LRRK2: variants seen among roughly 807,000 people sequenced by gnomAD.
LRRK2 encodes the protein leucine-rich repeat serine/threonine-protein kinase 2.
A neutral mutation model predicts 302.6 loss-of-function variants in LRRK2; 203 were observed. The observed-to-expected ratio is 0.67, with a 90% CI of 0.60 to 0.75. LRRK2 has a LOEUF of 0.75. Ranked by LOEUF, LRRK2 falls within the 30% of genes least tolerant of loss-of-function variation. The pLI is 0.00. For synonymous variants in LRRK2, 1,066 were observed against 1,031.9 expected, an observed-to-expected ratio of 1.03 and a Z score of -0.63; for missense variants, 2,830 against 2,951.0, an observed-to-expected ratio of 0.96 and a Z score of 0.95.
At chr12:40,319,346 T>C (rs1224798129) in intron 33 of LRRK2, among the ~76,000 whole-genome samples, 1 of 152,068 alleles carries the variant, frequency 6.6e-6, no homozygotes, top group African/African-American at 2.4e-5. Flanking sequence ...TGGATTTGAA[T>C]CTGGGTTCTG....
chr12:40,248,762 T>TGG (rs1942123984), intron 7 of LRRK2, among the ~76,000 whole-genome samples: 1 of 152,186 alleles, frequency 6.6e-6, no homozygotes, highest in Non-Finnish European at 1.5e-5. Flanking sequence ...ACACAGTGAT[T>TGG]CAGTGACCGA....
intron 20 of LRRK2, among the ~76,000 whole-genome samples, chr12:40,291,144 C>G (rs1031355313): frequency 2.0e-5 from 3 of 151,966 alleles, no homozygotes; most frequent in African/African-American, 7.3e-5. Context: ...ATGGATGAAG[C>G]TGGAAACCAT....
rs1946922213 is a variant in LRRK2, at chr12:40,367,691, G to C, written c.7510G>C (p.Val2504Leu). The change falls in exon 51 of 51, where the codon GTG (valine) becomes CTG (leucine). Residue 2504 changes from valine (V) to leucine (L), a missense_variant. By Grantham distance (32) the Val-to-Leu change is conservative. Around this residue, in one of 3 missense-constraint regions of LRRK2, gnomAD observed 456 missense variants for 456.3 expected, o/e 1.00. Coordinates refer to ENST00000298910, the MANE Select transcript of LRRK2 (RefSeq NM_198578.4). ...TVWDINLPHE[V>L]QNLEKHIEVR... is the part of the protein sequence containing the mutation. ...TTGGGACATCAATCTTCCACATGAAGTGCAAAATTTAGAAAAACACATTGA... is the reference window on the plus strand; with the variant it reads ...TTGGGACATCAATCTTCCACATGAACTGCAAAATTTAGAAAAACACATTGA... The C allele has an allele frequency of 6.2e-7, 1 of 1,603,638 alleles. No individual in the cohort carries two copies. The highest frequency in any genetic ancestry group is 8.5e-7 in the Non-Finnish European group (1 of 1,174,012).
chr12:40,240,378 C>T (rs1301667060), intron 5 of LRRK2, 105 bp from the exon 6 acceptor site: 1 of 994,530 alleles, frequency 1.0e-6, no homozygotes, highest in Non-Finnish European at 1.6e-6. Flanking sequence ...AAGGAGATTA[C>T]ACTTGATGTA....
chr12:40,353,894 G>A (rs1342079087), intron 44 of LRRK2, among the ~76,000 whole-genome samples: 1 of 152,214 alleles, frequency 6.6e-6, no homozygotes, highest in African/African-American at 2.4e-5. Context: ...TGAGGCAGGA[G>A]AATCAGGCAG....
At chr12:40,293,423 T>C (rs1392452629) in intron 20 of LRRK2, 122 bp from the exon 21 acceptor site, 1 of 653,766 alleles carries the variant, frequency 1.5e-6, no homozygotes, top group African/African-American at 1.8e-5. Context: ...GGGAATGGAC[T>C]GTGAAATTTC....
intron 5 of LRRK2, 102 bp downstream of exon 5, chr12:40,238,205 C>T: frequency 8.2e-7 from 1 of 1,221,256 alleles, no homozygotes; most frequent in Non-Finnish European, 1.1e-6. Flanking sequence ...TTCTAAAATC[C>T]TACTATTTAT....
chr12:40,258,038 C>T (rs1942601185), intron 12 of LRRK2, among the ~76,000 whole-genome samples: 1 of 152,098 alleles, frequency 6.6e-6, no homozygotes, highest in Non-Finnish European at 1.5e-5. Context: ...GGTTTTGCCA[C>T]TAATTTGAGC....
At position 40,351,679 on chromosome 12, in the gene LRRK2, C is replaced by G; in HGVS notation, c.6522C>G (p.Thr2174=). The change falls in exon 44 of 51, where the codon ACC becomes ACG. Residue 2174 remains threonine, a synonymous_variant. Coordinates refer to ENST00000298910, the MANE Select transcript of LRRK2 (RefSeq NM_198578.4). ...GCATTTGGCTGGGCTGTGGGCACAC[C>G]GACAGAGGACAGCTCTCATTTCTTG... ...NASIWLGCGH[T]DRGQLSFLDL... 2 of 1,614,074 alleles carry G rather than the reference C, an allele frequency of 1.2e-6. No homozygotes were observed. The highest frequency in any genetic ancestry group is 1.7e-5 in the Admixed American group (1 of 60,012).
rs147938536 is a variant in LRRK2 at position 40,239,217 on chromosome 12, C to T, written c.571+1114C>T. 8.5e-4 allele frequency among the ~76,000 whole-genome samples: 129 copies of T among 152,222 alleles called. 1 individual carries two copies. Among genetic ancestry groups the T allele is most frequent in the African/African-American group, 2.7e-3 (111 of 41,540 alleles). ...GCAAGGAATACAAAGTGTATTGCAGCGAGAGTGACTCTGTCAAAAGTCAGA... is the reference window on the plus strand; with the variant it reads ...GCAAGGAATACAAAGTGTATTGCAGTGAGAGTGACTCTGTCAAAAGTCAGA... On this transcript the variant is annotated intron_variant, in intron 5 of 50. Transcript: ENST00000298910.
chr12:40,324,834 A>C (rs756344714), intron 38 of LRRK2, among the ~76,000 whole-genome samples: 25 of 152,234 alleles, frequency 1.6e-4, no homozygotes, highest in Non-Finnish European at 3.5e-4. Flanking sequence ...CCCAGACTTC[A>C]AGGTATACAG....
At chr12:40,358,122 T>G (rs1946597912) in intron 46 of LRRK2, among the ~76,000 whole-genome samples, 1 of 152,118 alleles carries the variant, frequency 6.6e-6, no homozygotes, top group Non-Finnish European at 1.5e-5. Context: ...AATTGCTTTT[T>G]CGAGTTTCTT....
intron 41 of LRRK2, among the ~76,000 whole-genome samples, chr12:40,345,998 A>C (rs1946181332): frequency 2.0e-5 from 3 of 152,302 alleles, no homozygotes; most frequent in South Asian, 2.1e-4. Flanking sequence ...AAGTTACTGC[A>C]TGGTATACAT....
intron 10 of LRRK2, 62 bp from the exon 11 acceptor site, chr12:40,252,848 G>T: frequency 9.2e-7 from 1 of 1,085,654 alleles, no homozygotes. Context: ...ATAATGGCAA[G>T]TGAGAATTTG....
chr12:40,346,477 A>T (rs1015869076), intron 41 of LRRK2, among the ~76,000 whole-genome samples: 1 of 152,176 alleles, frequency 6.6e-6, no homozygotes, highest in Non-Finnish European at 1.5e-5. Context: ...GTTTATCCTT[A>T]TTATCATTCA....
chr12:40,228,433 CTTT>C (rs35333613), intron 2 of LRRK2, among the ~76,000 whole-genome samples: 1 of 19,316 alleles, frequency 5.2e-5, no homozygotes, highest in African/African-American at 2.5e-4. Flanking sequence ...AAAAATAAGA[CTTT>C]TTTTTTTTTT....
rs910384628 is a variant in LRRK2 at position 40,335,235 on chromosome 12, C to G, written c.5948+78C>G. The G allele has an allele frequency of 1.6e-5, 23 of 1,404,624 alleles. No individual in the cohort carries two copies. The African/African-American group carries it at 2.4e-4, about 15-fold the overall frequency. 87.0% of individuals were successfully genotyped at this position (1,404,624 alleles called of 1,614,324 possible). ...TTGCTCTCAGGTTCTGAGAACACTT[C>G]CCAGTAACACTGTGCCCCAGTAACA... On this transcript the variant is annotated intron_variant, in intron 40 of 50. Coordinates refer to ENST00000298910, the MANE Select transcript of LRRK2 (RefSeq NM_198578.4).
At chr12:40,362,140 T>C (rs562540595) in intron 47 of LRRK2, among the ~76,000 whole-genome samples, 1 of 152,124 alleles carries the variant, frequency 6.6e-6, no homozygotes, top group Admixed American at 6.6e-5. Context: ...GGAAATTCCA[T>C]GCAAAACTTT....
chr12:40,276,691 C>G (rs1008605181), intron 16 of LRRK2, among the ~76,000 whole-genome samples: 1 of 152,198 alleles, frequency 6.6e-6, no homozygotes, highest in Non-Finnish European at 1.5e-5. Flanking sequence ...TTTTCAGAGA[C>G]CTCTGCTCTA....
Sources: gnomAD v4.1 joint callset for allele counts (sites outside exome capture counted in the v4.1 genomes callset) on GRCh38, gnomAD v4.1.1 for gene constraint, gnomAD v4.1.1 regional missense constraint, MANE v1.5 for transcripts, NCBI Gene and HGNC (gene_info 2026-07-23, HGNC 2026-07-21) for gene names.